The following MYO9A variants were observed in gnomAD, a reference collection of about 807,000 sequenced individuals.
The protein encoded by MYO9A is myosin IXA.
MYO9A carries 103 observed loss-of-function variants against 293.3 expected under a neutral mutation model. That is an observed-to-expected ratio of 0.35 (90% CI 0.30 to 0.41). The LOEUF is 0.41. MYO9A is among the 10% of genes least tolerant of loss of function. MYO9A has a pLI of 1.00. For missense variants in MYO9A, 2,685 were observed against 3,033.0 expected, an observed-to-expected ratio of 0.89 and a Z score of 2.69; for synonymous variants, 1,001 against 1,035.7, an observed-to-expected ratio of 0.97 and a Z score of 0.64.
intron 26 of MYO9A, chr15:71,889,779 C>T (rs898542582): frequency 2.0e-5 from 3 of 152,276 alleles, no homozygotes; most frequent in Middle Eastern, 3.4e-3. Context: ...CCAGGAACTA[C>T]ACCACAAAAA....
At chr15:72,071,775 A>C (rs2079199120) in intron 1 of MYO9A, among the ~76,000 whole-genome samples, 1 of 152,054 alleles carries the variant, frequency 6.6e-6, no homozygotes, top group South Asian at 2.1e-4. Context: ...AAAATAAAAA[A>C]GAAATGTCAG....
chr15:72,010,985 ATATTTATATAG>A (rs1441706108), intron 6 of MYO9A, among the ~76,000 whole-genome samples: 1 of 152,106 alleles, frequency 6.6e-6, no homozygotes, highest in Non-Finnish European at 1.5e-5. Context: ...TATCTAATCT[ATATTTATATAG>A]ATCTATATAG....
At chr15:72,058,557 A>T (rs763617984) in intron 1 of MYO9A, among the ~76,000 whole-genome samples, 2 of 152,234 alleles carry the variant, frequency 1.3e-5, no homozygotes, top group Non-Finnish European at 2.9e-5. Context: ...ATAAGAATAA[A>T]ACAATACACG....
intron 19 of MYO9A, among the ~76,000 whole-genome samples, chr15:71,914,177 A>G (rs1012449528): frequency 6.6e-6 from 1 of 152,134 alleles, no homozygotes; most frequent in Non-Finnish European, 1.5e-5. Context: ...AATTAGCAAG[A>G]CCACTGGCAT....
At chr15:72,099,315 C>T (rs1303263884) in intron 1 of MYO9A, among the ~76,000 whole-genome samples, 2 of 148,826 alleles carry the variant, frequency 1.3e-5, no homozygotes, top group African/African-American at 5.0e-5. Flanking sequence ...TGGTGCACAC[C>T]TGTGGTCTCA....
intron 2 of MYO9A, among the ~76,000 whole-genome samples, chr15:72,043,821 A>G (rs1034686736): frequency 1.3e-5 from 2 of 152,192 alleles, no homozygotes; most frequent in Admixed American, 1.3e-4. Flanking sequence ...TACACTTTAA[A>G]TATACGCAGT....
At position 71,898,853 on chromosome 15, in the gene MYO9A, C is replaced by A. The variant is rs193029114; in HGVS notation, c.3650G>T (p.Arg1217Leu). The A allele has an allele frequency of 6.2e-7, 1 of 1,614,056 alleles. No individual in the cohort carries two copies. ...GTCCACTGAACTTTCACGGCTAATTCGATTACTCTCTATTACAGATTTACA... is the reference window on the plus strand; with the variant it reads ...GTCCACTGAACTTTCACGGCTAATTAGATTACTCTCTATTACAGATTTACA... ...EECKSVIESN[R>L]ISRESSVDCL... Residue 1217 changes from arginine to leucine, a missense_variant, in exon 25 of 42, where the codon CGA (arginine) becomes CTA (leucine). Around this residue, in one of 10 missense-constraint regions of MYO9A, gnomAD observed 1,434 missense variants for 1,497.7 expected, o/e 0.96. Coordinates refer to ENST00000356056, the MANE Select transcript of MYO9A (RefSeq NM_006901.4).
At chr15:71,930,755 T>C (rs961037572) in intron 18 of MYO9A, among the ~76,000 whole-genome samples, 7 of 152,176 alleles carry the variant, frequency 4.6e-5, no homozygotes, top group Non-Finnish European at 1.0e-4. Flanking sequence ...TATTTTATCA[T>C]TTTGTAGAGC....
In MYO9A at chr15:72,046,158, C is replaced by G. The variant is rs754401114; in HGVS notation, c.406G>C (p.Glu136Gln). The G allele has an allele frequency of 6.2e-7, 1 of 1,614,152 alleles. No homozygotes were observed. Among genetic ancestry groups the G allele is most frequent in the African/African-American group, 1.3e-5 (1 of 75,038 alleles). Residue 136 changes from glutamate to glutamine, a missense_variant, in exon 2 of 42, where the codon GAA (glutamate) becomes CAA (glutamine). Coordinates refer to ENST00000356056, the MANE Select transcript of MYO9A (RefSeq NM_006901.4). Reference sequence around the variant, plus strand: ...TGAGGCTGTGGAAGAAAACCCCGTTCCATCATCCTGCGACGTTCTTCTGTT... The same window carrying G: ...TGAGGCTGTGGAAGAAAACCCCGTTGCATCATCCTGCGACGTTCTTCTGTT... The part of the protein sequence containing the change: ...RVTEERRRMM[E>Q]RGFLPQPQQK...
At chr15:71,870,597 C>T (rs2056479166) in intron 32 of MYO9A, among the ~76,000 whole-genome samples, 1 of 152,128 alleles carries the variant, frequency 6.6e-6, no homozygotes, top group Admixed American at 6.6e-5. Context: ...TGTTGTCTCT[C>T]AGTAGCTGTG....
intron 1 of MYO9A, among the ~76,000 whole-genome samples, chr15:72,101,187 T>C (rs1380545251): frequency 2.0e-4 from 22 of 112,752 alleles, no homozygotes; most frequent in African/African-American, 6.7e-4. Flanking sequence ...TGGCCGCCCC[T>C]ACTGGGAAGT....
chr15:71,891,834 AGT>A (rs1295978398), intron 26 of MYO9A: 1 of 152,210 alleles, frequency 6.6e-6, no homozygotes, highest in Non-Finnish European at 1.5e-5. Context: ...AGACAACGAG[AGT>A]ATTCTGGACA....
At chr15:71,827,548 T>A (rs1392918660) in intron 41 of MYO9A, among the ~76,000 whole-genome samples, 1 of 151,748 alleles carries the variant, frequency 6.6e-6, no homozygotes, top group African/African-American at 2.4e-5. Flanking sequence ...AACAAAAAAC[T>A]CAATCACGTT....
At chr15:71,956,325 A>AT (rs1277164416) in intron 14 of MYO9A, among the ~76,000 whole-genome samples, 89 of 78,082 alleles carry the variant, frequency 1.1e-3, no homozygotes, top group East Asian at 7.6e-3. Context: ...AAAAAAAAAA[A>AT]AAAAAATATA....
Position 71,826,982 on chromosome 15 carries a change from C to A in MYO9A, c.7245G>T (p.Leu2415Phe). ...CTTGCTGCTTTTTAAGTTGCTTTCG[C>A]AACTTGCTGGAAGGTTCAGACTTGC... ...TAGKSEPSSK[L>F]RKQLKKQQDS... The change falls in exon 42 of 42, where the codon TTG becomes TTT. Residue 2415 changes from leucine (L) to phenylalanine (F), a missense_variant. Leu to Phe is a conservative substitution (Grantham distance 22). Around this residue, in one of 10 missense-constraint regions of MYO9A, gnomAD observed 350 missense variants for 328.9 expected, o/e 1.06. Coordinates refer to ENST00000356056, the MANE Select transcript of MYO9A (RefSeq NM_006901.4). The A allele has an allele frequency of 6.2e-7, 1 of 1,613,292 alleles. No homozygotes were observed. Among genetic ancestry groups the A allele is most frequent in the Non-Finnish European group, 8.5e-7 (1 of 1,179,682 alleles).
At chr15:71,907,972 G>T (rs2057717599) in intron 19 of MYO9A, among the ~76,000 whole-genome samples, 1 of 152,032 alleles carries the variant, frequency 6.6e-6, no homozygotes, top group South Asian at 2.1e-4. Flanking sequence ...GTCAATTTTG[G>T]CTTTTGTTGC....
chr15:71,846,495 G>T (rs1334790815), intron 39 of MYO9A, among the ~76,000 whole-genome samples: 1 of 152,160 alleles, frequency 6.6e-6, no homozygotes. Flanking sequence ...AAAACTGACT[G>T]AAGTTTTAAT....
chr15:71,965,524 T>A (rs2147183904), intron 13 of MYO9A, among the ~76,000 whole-genome samples: 1 of 152,252 alleles, frequency 6.6e-6, no homozygotes, highest in South Asian at 2.1e-4. Flanking sequence ...GGAGGGTGGA[T>A]CAACTGAGGT....
At chr15:71,878,449 T>C (rs1008635057) in intron 30 of MYO9A, among the ~76,000 whole-genome samples, 2 of 152,180 alleles carry the variant, frequency 1.3e-5, no homozygotes, top group Non-Finnish European at 2.9e-5. Context: ...GTAAAAAACC[T>C]GACGGTAATA....
Sources: gnomAD v4.1 joint callset for allele counts (sites outside exome capture counted in the v4.1 genomes callset) on GRCh38, gnomAD v4.1.1 for gene constraint, gnomAD v4.1.1 regional missense constraint, MANE v1.5 for transcripts, NCBI Gene and HGNC (gene_info 2026-07-23, HGNC 2026-07-21) for gene names.